Variants in CPNE9 observed in about 807,000 individuals in gnomAD.
CPNE9 encodes copine family member 9, also known as copine-9.
CPNE9 carries 59 observed loss-of-function variants against 83.0 expected under a neutral mutation model. That is an observed-to-expected ratio of 0.71 (90% CI 0.58 to 0.88). CPNE9 has a LOEUF of 0.88. Ranked by LOEUF, CPNE9 falls within the 40% of genes least tolerant of loss-of-function variation. CPNE9 has a pLI of 0.00. For synonymous variants in CPNE9, 256 were observed against 273.4 expected (o/e 0.94, Z 0.63); for missense variants, 619 against 720.8 (o/e 0.86, Z 1.62).
rs1211494044 is a variant in CPNE9, at chr3:9,713,013, C to A, written c.584C>A (p.Thr195Lys). 1.9e-6 allele frequency: 3 copies of A among 1,614,090 alleles called. No individual in the cohort carries two copies. The highest frequency in any genetic ancestry group is 4.5e-5 in the East Asian group (2 of 44,906). ...ICHKTEVVKN[T>K]LNPVWQPFSI... ...CACAAGACAGAGGTTGTGAAAAACA[C>A]GCTGAATCCTGTGTGGCAGCCCTTC... Residue 195 changes from threonine to lysine, a missense_variant, in exon 10 of 21, where the codon ACG (threonine) becomes AAG (lysine). By Grantham distance (78) the Thr-to-Lys change is moderately conservative. This residue lies in a region of CPNE9 where 438 missense variants were observed against 562.9 expected (regional missense o/e 0.78). Coordinates refer to ENST00000383832, the MANE Select transcript of CPNE9 (RefSeq NM_153635.3).
chr3:9,725,650 A>ATATGTGTATATACATGTATGTGTATG, intron 17 of CPNE9, among the ~76,000 whole-genome samples: 1 of 115,842 alleles, frequency 8.6e-6, no homozygotes. Context: ...GTATGTGTAT[A>ATATGTGTATATACATGTATGTGTATG]TATGTGTATA....
chr3:9,723,130 T>TACCAAGC (rs2076748328), intron 17 of CPNE9, among the ~76,000 whole-genome samples: 1 of 152,112 alleles, frequency 6.6e-6, no homozygotes, highest in South Asian at 2.1e-4. Flanking sequence ...CCAAGCCAGG[T>TACCAAGC]CTCTGAGGAG....
At position 9,705,510 on chromosome 3, in the gene CPNE9, C is replaced by A; in HGVS notation, c.297+10C>A. The A allele has an allele frequency of 6.9e-7, 1 of 1,458,720 alleles. No homozygotes were observed. Among genetic ancestry groups the A allele is most frequent in the Non-Finnish European group, 9.2e-7 (1 of 1,083,590 alleles). The allele number at this position is 1,458,720 out of a possible 1,614,324, so 90.4% of individuals were successfully genotyped here. ...CAACATCTCCAAACCGGTGAGCAAA[C>A]GTTTCCTCGAGGGTTGGCGGAGCGC... On this transcript the variant is annotated intron_variant, in intron 5 of 20. Coordinates refer to ENST00000383832, the MANE Select transcript of CPNE9 (RefSeq NM_153635.3).
At chr3:9,705,528 C>T (rs1423056796) in intron 5 of CPNE9, 28 bp downstream of exon 5, 1 of 1,555,268 alleles carries the variant, frequency 6.4e-7, no homozygotes, top group East Asian at 2.5e-5. Flanking sequence ...CGAGGGTTGG[C>T]GGAGCGCACA....
Position 9,704,204 on chromosome 3 carries a change from G to A in CPNE9, c.68+140G>A. 1 of 804,172 alleles carries A rather than the reference G, an allele frequency of 1.2e-6. No homozygotes were observed. Among genetic ancestry groups the A allele is most frequent in the Non-Finnish European group, 1.9e-6 (1 of 513,608 alleles). The allele number at this position is 804,172 out of a possible 1,614,324, so 49.8% of individuals were successfully genotyped here. A position where few individuals can be genotyped will look rare whatever the true frequency, so the allele number is the denominator to read the frequency against. On this transcript the variant is annotated intron_variant, in intron 1 of 20. Coordinates refer to ENST00000383832, the MANE Select transcript of CPNE9 (RefSeq NM_153635.3). The surrounding 1 kb of genome is among the most constrained non-coding windows in gnomAD (Gnocchi z 7.1). ...AAAATCACAGCTGATGACAGGGCGA[G>A]TAGCTGGTGGGATCGAGAAGCGGGG...
chr3:9,715,160 T>C, intron 11 of CPNE9, 129 bp from the exon 12 acceptor site: 1 of 1,097,206 alleles, frequency 9.1e-7, no homozygotes, highest in Non-Finnish European at 1.3e-6. Context: ...TTGGCCTCCC[T>C]TATGGCCCCA....
Position 9,715,357 on chromosome 3 carries a change from T to C in CPNE9, c.761T>C (p.Val254Ala). 5 of 1,614,078 alleles carry C rather than the reference T, an allele frequency of 3.1e-6. No individual in the cohort carries two copies. The highest frequency in any genetic ancestry group is 1.7e-5 in the Admixed American group (1 of 60,002). ...ELSKAQNQFTVYEVLNPRKKC... is the reference protein window; with the variant it reads ...ELSKAQNQFTAYEVLNPRKKC... ...AGCAAGGCCCAGAACCAGTTCACAG[T>C]ATATGAGGTGAGCATTCCAGCCCTG... Residue 254 changes from valine (V) to alanine (A), a missense_variant, in exon 12 of 21, where the codon GTA (valine) becomes GCA (alanine). Physicochemically the swap from Val to Ala is moderately conservative, Grantham distance 64. This residue lies in a region of CPNE9 where 438 missense variants were observed against 562.9 expected (regional missense o/e 0.78). Coordinates refer to ENST00000383832, the MANE Select transcript of CPNE9 (RefSeq NM_153635.3).
rs771150063 is a variant in CPNE9, at chr3:9,729,608, G to A, written c.1578G>A (p.Leu526=). 5.6e-6 allele frequency: 9 copies of A among 1,614,150 alleles called. No individual in the cohort carries two copies. Among genetic ancestry groups the A allele is most frequent in the Admixed American group, 1.7e-5 (1 of 60,032 alleles). ...TGGCCGAGATCCCGGAGCAGCTGCT[G>A]TCCTATATGCGCACCAGAGACATCC... ...DVLAEIPEQL[L]SYMRTRDIQP... Residue 526 remains leucine (L), a synonymous_variant, in exon 21 of 21, where the codon CTG becomes CTA. Coordinates refer to ENST00000383832, the MANE Select transcript of CPNE9 (RefSeq NM_153635.3).
intron 7 of CPNE9, among the ~76,000 whole-genome samples, chr3:9,710,336 T>C (rs779272256): frequency 6.6e-6 from 1 of 152,194 alleles, no homozygotes; most frequent in Non-Finnish European, 1.5e-5. Flanking sequence ...TTATAGCAAC[T>C]GTAGGAGTCA....
chr3:9,715,700 G>A (rs1200603611), intron 13 of CPNE9, among the ~76,000 whole-genome samples, 174 bp downstream of exon 13: 1 of 152,022 alleles, frequency 6.6e-6, no homozygotes, highest in African/African-American at 2.4e-5. Context: ...TTCTCACTCA[G>A]GAAATTTTTC....
At chr3:9,706,591 TA>T (rs2076566878) in intron 7 of CPNE9, among the ~76,000 whole-genome samples, 1 of 152,346 alleles carries the variant, frequency 6.6e-6, no homozygotes, top group African/African-American at 2.4e-5. Context: ...GCTGATACTC[TA>T]GTTGTGTGGG....
Position 9,704,842 on chromosome 3 carries a change from C to T in CPNE9, c.156+47C>T. On this transcript the variant is annotated intron_variant, in intron 3 of 20. Coordinates refer to ENST00000383832, the MANE Select transcript of CPNE9 (RefSeq NM_153635.3). The surrounding 1 kb of genome is among the most constrained non-coding windows in gnomAD (Gnocchi z 7.1). ...CGGCCCAGGGCGTCGCCCGGGAATTCCCCTGCCCGTCTGCACGTCCCACGC... is the reference window on the plus strand; with the variant it reads ...CGGCCCAGGGCGTCGCCCGGGAATTTCCCTGCCCGTCTGCACGTCCCACGC... 6.2e-7 allele frequency: 1 copy of T among 1,602,048 alleles called. No individual in the cohort carries two copies. The highest frequency in any genetic ancestry group is 8.5e-7 in the Non-Finnish European group (1 of 1,173,092).
intron 17 of CPNE9, among the ~76,000 whole-genome samples, chr3:9,720,108 A>G (rs2076721852): frequency 6.6e-6 from 1 of 151,828 alleles, no homozygotes; most frequent in African/African-American, 2.4e-5. Context: ...TAAACTTAAA[A>G]CGAATTTATG....
chr3:9,714,051 C>T (rs564330934), intron 10 of CPNE9, among the ~76,000 whole-genome samples: 37 of 150,660 alleles, frequency 2.5e-4, no homozygotes, highest in Admixed American at 6.0e-4. Context: ...CCAGCCTGGG[C>T]GACAGAGCAA....
At chr3:9,716,125 G>A in intron 14 of CPNE9, 90 bp downstream of exon 14, 3 of 1,112,148 alleles carry the variant, frequency 2.7e-6, no homozygotes, top group Non-Finnish European at 4.0e-6. Context: ...GAATGGTCAG[G>A]GCCCAGTGAG....
In CPNE9 at chr3:9,717,089, T is replaced by C. The variant is rs1246655699; in HGVS notation, c.916T>C (p.Phe306Leu). The C allele has an allele frequency of 6.2e-7, 1 of 1,614,222 alleles. No individual in the cohort carries two copies. The highest frequency in any genetic ancestry group is 1.1e-5 in the South Asian group (1 of 91,084). ...TQLNFTVAID[F>L]TASNGNPLQP... ...GCTGAACTTCACAGTAGCCATTGAC[T>C]TCACGGCTTCCAATGGTGAGACACG... is the stretch of plus-strand genomic sequence containing the variant. The change falls in exon 15 of 21, where the codon TTC (phenylalanine) becomes CTC (leucine). Residue 306 changes from phenylalanine to leucine, a missense_variant. Coordinates refer to ENST00000383832, the MANE Select transcript of CPNE9 (RefSeq NM_153635.3).
At chr3:9,714,477 T>A (rs1213928510) in intron 10 of CPNE9, among the ~76,000 whole-genome samples, 1 of 151,874 alleles carries the variant, frequency 6.6e-6, no homozygotes, top group African/African-American at 2.4e-5. Context: ...TTACTAGCTA[T>A]GAGATCTTAG....
chr3:9,726,568 C>T, intron 18 of CPNE9, 97 bp from the exon 19 acceptor site: 1 of 929,382 alleles, frequency 1.1e-6, no homozygotes, highest in African/African-American at 1.6e-5. Flanking sequence ...ACAAGATGTG[C>T]AGAACCATGA....
intron 11 of CPNE9, 85 bp downstream of exon 11, chr3:9,715,040 A>C (rs1176086356): frequency 1.5e-6 from 2 of 1,309,622 alleles, no homozygotes; most frequent in Non-Finnish European, 2.2e-6. Flanking sequence ...GAGAACCCCA[A>C]AGTAGCTTTA....
Sources: gnomAD v4.1 joint callset for allele counts (sites outside exome capture counted in the v4.1 genomes callset) on GRCh38, gnomAD v4.1.1 for gene constraint, gnomAD v4.1.1 regional missense constraint, Gnocchi (gnomAD v3.1) non-coding constraint, MANE v1.5 for transcripts, NCBI Gene and HGNC (gene_info 2026-07-23, HGNC 2026-07-21) for gene names.